RHBDF1: variants seen among roughly 807,000 people sequenced by gnomAD.
The protein encoded by RHBDF1 is rhomboid 5 homolog 1, also known as inactive rhomboid protein 1.
A neutral mutation model predicts 98.6 loss-of-function variants in RHBDF1; 80 were observed. The ratio of observed to expected loss-of-function variants is 0.81; its 90% CI spans 0.68 to 0.98. The LOEUF (loss-of-function observed/expected upper bound fraction) is 0.98, where lower values mean the gene tolerates loss of function less well. Among genes scored for constraint, RHBDF1 ranks in the 50% least tolerant of loss-of-function variants. RHBDF1 has a pLI of 0.00. For synonymous variants in RHBDF1, 512 were observed against 486.8 expected, an observed-to-expected ratio of 1.05 and a Z score of -0.68; for missense variants, 1,116 against 1,198.3, an observed-to-expected ratio of 0.93 and a Z score of 1.01.
At chr16:75,634 A>T (rs12931208), upstream of RHBDF1, among the ~76,000 whole-genome samples, 1 of 152,168 alleles carries the variant, frequency 6.6e-6, no homozygotes, top group Non-Finnish European at 1.5e-5. Context: ...ACCTGGGCCC[A>T]GGGCCTGGCA....
chr16:65,502 A>G (rs1234972444), intron 1 of RHBDF1, among the ~76,000 whole-genome samples: 6 of 152,224 alleles, frequency 3.9e-5, no homozygotes, highest in African/African-American at 1.4e-4. Flanking sequence ...CAGCTGAGCA[A>G]AGGCTTGAAG....
intron 1 of RHBDF1, among the ~76,000 whole-genome samples, chr16:71,692 G>A (rs900086820): frequency 4.6e-5 from 7 of 152,150 alleles, no homozygotes; most frequent in Non-Finnish European, 1.0e-4. Context: ...AAGAAACTCT[G>A]GTCAGGACCA....
rs200909992 is a variant in RHBDF1 at position 58,780 on chromosome 16, C to T, written c.2149-21G>A. 1.6e-4 allele frequency: 258 copies of T among 1,607,542 alleles called. 1 individual carries two copies. In the African/African-American group the frequency reaches 1.9e-3, roughly 12 times the overall value. On this transcript the variant is annotated intron_variant, in intron 17 of 17. Transcript: ENST00000262316. ...CCCACCTGGGGGATGGTTGGGGTAG[C>T]TGTAAGGCAGTGGGGCTGGGCAGGC... is the stretch of plus-strand genomic sequence containing the variant.
chr16:68,425 G>A (rs1388682192), intron 1 of RHBDF1, among the ~76,000 whole-genome samples: 1 of 152,232 alleles, frequency 6.6e-6, no homozygotes, highest in African/African-American at 2.4e-5. Context: ...TCAGTGTCCA[G>A]GCCTTCCCCA....
intron 11 of RHBDF1, 62 bp downstream of exon 11, chr16:61,058 C>T (rs747173334): frequency 6.7e-7 from 1 of 1,482,446 alleles, no homozygotes; most frequent in South Asian, 1.3e-5. Flanking sequence ...CCGAGTCTAT[C>T]TGAGGTCTGA....
At chr16:74,128 A>G (rs1337059632), upstream of RHBDF1, among the ~76,000 whole-genome samples, 1 of 152,164 alleles carries the variant, frequency 6.6e-6, no homozygotes, top group East Asian at 1.9e-4. Flanking sequence ...ACCGGGTGAG[A>G]GGGAGCCTGC....
At chr16:59,161 T>G (rs370222668) in intron 16 of RHBDF1, 34 bp from the exon 17 acceptor site, 208 of 1,605,664 alleles carry the variant, frequency 1.3e-4, no homozygotes, top group Non-Finnish European at 1.7e-4. Flanking sequence ...TCGGGAGACA[T>G]TCAGCAGGGA....
At position 59,827 on chromosome 16, in the gene RHBDF1, C is replaced by G. The variant is rs376515962; in HGVS notation, c.1723-1G>C. The G allele has an allele frequency of 1.1e-5, 18 of 1,613,978 alleles. No individual in the cohort carries two copies. The highest frequency in any genetic ancestry group is 1.5e-5 in the Non-Finnish European group (18 of 1,180,016). On this transcript the variant is annotated splice_acceptor_variant, in intron 13 of 17. Transcript: ENST00000262316. LOFTEE classifies it high-confidence loss of function. ...TCCCAGCGCTGTTTTTGGTGCAGATCTGGGTCACAAATGAGGACGAGCTGA... is the reference window on the plus strand; with the variant it reads ...TCCCAGCGCTGTTTTTGGTGCAGATGTGGGTCACAAATGAGGACGAGCTGA...
At chr16:73,382 G>A (rs1052177072), upstream of RHBDF1, among the ~76,000 whole-genome samples, 3 of 152,146 alleles carry the variant, frequency 2.0e-5, no homozygotes, top group Admixed American at 6.5e-5. Context: ...ACTCAGCAGA[G>A]GCAGCGCAGT....
chr16:63,503 TC>T (rs1187799713), intron 4 of RHBDF1, 83 bp downstream of exon 4: 2 of 1,222,250 alleles, frequency 1.6e-6, no homozygotes, highest in Non-Finnish European at 2.3e-6. Context: ...GAGAGTCCCT[TC>T]TGCTCAGGCT....
rs776808259 is a variant in RHBDF1, at chr16:58,512, C to T, written c.2396G>A (p.Arg799Gln). 3.7e-6 allele frequency: 6 copies of T among 1,613,944 alleles called. No individual in the cohort carries two copies. The highest frequency in any genetic ancestry group is 2.2e-5 in the East Asian group (1 of 44,896). Reference sequence around the variant, plus strand: ...AAAGATGATGATCTGGCAGCGTTTCCGGTACAGGTCGAACTTGCCAAAGCT... The same window carrying T: ...AAAGATGATGATCTGGCAGCGTTTCTGGTACAGGTCGAACTTGCCAAAGCT... ...YISFGKFDLYRKRCQIIIFQV... is the reference protein window; with the variant it reads ...YISFGKFDLYQKRCQIIIFQV... Residue 799 changes from arginine (R) to glutamine (Q), a missense_variant, in exon 18 of 18, where the codon CGG becomes CAG. Coordinates refer to ENST00000262316, the MANE Select transcript of RHBDF1 (RefSeq NM_022450.5).
Position 61,793 on chromosome 16 carries a change from C to G in RHBDF1, c.1208+5G>C. 1 of 1,612,708 alleles carries G rather than the reference C, an allele frequency of 6.2e-7. No homozygotes were observed. Among genetic ancestry groups the G allele is most frequent in the Non-Finnish European group, 8.5e-7 (1 of 1,179,616 alleles). On this transcript the variant is annotated splice_donor_5th_base_variant and intron_variant, in intron 8 of 17. Coordinates refer to ENST00000262316, the MANE Select transcript of RHBDF1 (RefSeq NM_022450.5). ...CCCAACCCAGGCCTTGCCTGCCACG[C>G]CTACCTGTGGTCGTCCATGTCCTCG...
chr16:60,992 G>C, intron 11 of RHBDF1, 128 bp downstream of exon 11: 3 of 997,696 alleles, frequency 3.0e-6, no homozygotes, highest in Non-Finnish European at 4.3e-6. Context: ...ATATGACAAG[G>C]CCTTGCGCGT....
intron 1 of RHBDF1, among the ~76,000 whole-genome samples, chr16:71,488 C>A (rs568417108): frequency 8.1e-4 from 124 of 152,254 alleles, no homozygotes; most frequent in African/African-American, 2.9e-3. Context: ...TGAGGAGAAC[C>A]GAGCCTGGGA....
At position 58,776 on chromosome 16, in the gene RHBDF1, G is replaced by C; in HGVS notation, c.2149-17C>G. The C allele has an allele frequency of 6.2e-7, 1 of 1,609,566 alleles. No homozygotes were observed. The highest frequency in any genetic ancestry group is 8.5e-7 in the Non-Finnish European group (1 of 1,178,166). ...AGGACCCACCTGGGGGATGGTTGGGGTAGCTGTAAGGCAGTGGGGCTGGGC... is the reference window on the plus strand; with the variant it reads ...AGGACCCACCTGGGGGATGGTTGGGCTAGCTGTAAGGCAGTGGGGCTGGGC... On this transcript the variant is annotated splice_polypyrimidine_tract_variant and intron_variant, in intron 17 of 17. Coordinates refer to ENST00000262316, the MANE Select transcript of RHBDF1 (RefSeq NM_022450.5).
chr16:66,568 C>T (rs1785355591), intron 1 of RHBDF1, among the ~76,000 whole-genome samples: 1 of 152,176 alleles, frequency 6.6e-6, no homozygotes, highest in African/African-American at 2.4e-5. Context: ...GGGACCAGAA[C>T]AGACACAGGT....
chr16:70,108 A>G (rs115624962), intron 1 of RHBDF1, among the ~76,000 whole-genome samples: 1,937 of 152,264 alleles, frequency 0.013, 51 homozygotes, highest in African/African-American at 0.043. Context: ...AGGGGCTGAC[A>G]TGGCAGACAC....
chr16:65,340 G>T (rs1033620053), intron 1 of RHBDF1, among the ~76,000 whole-genome samples: 1 of 152,246 alleles, frequency 6.6e-6, no homozygotes, highest in Admixed American at 6.5e-5. Context: ...GTGGAGAAAC[G>T]AGACAAAATC....
upstream of RHBDF1, among the ~76,000 whole-genome samples, chr16:74,342 T>C (rs1476662075): frequency 6.6e-6 from 1 of 152,126 alleles, no homozygotes; most frequent in Non-Finnish European, 1.5e-5. Flanking sequence ...TGGGCTTGCC[T>C]CCAAAGCATG....
Sources: gnomAD v4.1 joint callset for allele counts (sites outside exome capture counted in the v4.1 genomes callset) on GRCh38, gnomAD v4.1.1 for gene constraint, MANE v1.5 for transcripts, NCBI Gene and HGNC (gene_info 2026-07-23, HGNC 2026-07-21) for gene names.